Variants in KCTD1 observed in about 807,000 individuals in gnomAD.
KCTD1 encodes BTB/POZ domain-containing protein KCTD1.
A neutral mutation model predicts 66.0 loss-of-function variants in KCTD1; 24 were observed. The ratio of observed to expected loss-of-function variants is 0.36; its 90% CI spans 0.26 to 0.51. The LOEUF is 0.51. Ranked by LOEUF, KCTD1 falls within the 20% of genes least tolerant of loss-of-function variation. The pLI is 0.95. For missense variants in KCTD1, 943 were observed against 1,205.2 expected (o/e 0.78, Z 3.22); for synonymous variants, 511 against 517.2 (o/e 0.99, Z 0.16).
At chr18:26,612,749 A>T (rs1478891148) in intron 1 of KCTD1, among the ~76,000 whole-genome samples, 1 of 152,222 alleles carries the variant, frequency 6.6e-6, no homozygotes, top group Non-Finnish European at 1.5e-5. Flanking sequence ...TGGCAAACTT[A>T]ACACATCTTC....
intron 1 of KCTD1, among the ~76,000 whole-genome samples, chr18:26,626,581 C>G (rs971728051): frequency 4.0e-5 from 6 of 151,030 alleles, no homozygotes; most frequent in African/African-American, 1.5e-4. Flanking sequence ...CTCAATTAAT[C>G]CTCCTACCTC....
At chr18:26,550,600 ACAC>A (rs1414076826), upstream of KCTD1, among the ~76,000 whole-genome samples, 3 of 149,544 alleles carry the variant, frequency 2.0e-5, no homozygotes, top group Non-Finnish European at 4.4e-5. The surrounding 1 kb of genome is among the most constrained non-coding windows in gnomAD (Gnocchi z 5.4). Flanking sequence ...ACACACACAC[ACAC>A]ACCACGCTCT....
intron 3 of KCTD1, among the ~76,000 whole-genome samples, chr18:26,473,563 TTAATAATAATAATAA>T (rs10551915): frequency 2.0e-5 from 3 of 146,710 alleles, no homozygotes; most frequent in Non-Finnish European, 4.5e-5. Flanking sequence ...GAACTTAAAA[TTAATAATAATAATAA>T]TAATAATAAT....
chr18:26,478,285 A>G (rs1339370229), intron 2 of KCTD1, among the ~76,000 whole-genome samples: 3 of 152,238 alleles, frequency 2.0e-5, no homozygotes, highest in African/African-American at 4.8e-5. Flanking sequence ...AGATGAAGAA[A>G]TAGGCTCGAA....
intron 1 of KCTD1, among the ~76,000 whole-genome samples, chr18:26,522,692 A>T (rs946574241): frequency 6.6e-6 from 1 of 152,120 alleles, no homozygotes. Context: ...CTGAACAGCG[A>T]ATCTGCTTGG....
intron 3 of KCTD1, among the ~76,000 whole-genome samples, chr18:26,461,765 T>G (rs892654594): frequency 6.6e-6 from 1 of 152,232 alleles, no homozygotes; most frequent in Non-Finnish European, 1.5e-5. Flanking sequence ...TGCTTTTTAT[T>G]TTCTTGTGAG....
chr18:26,459,983 T>TA, intron 3 of KCTD1, 58 bp from the exon 4 acceptor site: 2 of 1,285,662 alleles, frequency 1.6e-6, no homozygotes, highest in Non-Finnish European at 2.1e-6. Context: ...ACTAAACATG[T>TA]CCACATCTAA....
chr18:26,625,166 T>C (rs565313788), intron 1 of KCTD1, among the ~76,000 whole-genome samples: 163 of 152,318 alleles, frequency 1.1e-3, no homozygotes, highest in African/African-American at 3.8e-3. Context: ...ACTTGCCTTG[T>C]CTCAGATGAG....
At chr18:26,600,032 T>C (rs1210726613) in intron 1 of KCTD1, 2 of 1,611,524 alleles carry the variant, frequency 1.2e-6, no homozygotes, top group Non-Finnish European at 1.7e-6. Flanking sequence ...GACGACAGCA[T>C]GGATCTCATT....
At chr18:26,614,598 T>G (rs9964994) in intron 1 of KCTD1, among the ~76,000 whole-genome samples, 13,719 of 152,158 alleles carry the variant, frequency 0.09, 628 homozygotes, top group African/African-American at 0.11. Context: ...GCTGGAAATC[T>G]GTGTGGGTTT....
At chr18:26,489,185 A>T (rs1284174548) in intron 2 of KCTD1, among the ~76,000 whole-genome samples, 1 of 152,248 alleles carries the variant, frequency 6.6e-6, no homozygotes, top group Non-Finnish European at 1.5e-5. Flanking sequence ...GTAATCTTTC[A>T]GAAGCCAAAT....
intron 1 of KCTD1, among the ~76,000 whole-genome samples, chr18:26,626,864 C>T (rs187973556): frequency 6.6e-6 from 1 of 152,300 alleles, no homozygotes; most frequent in Admixed American, 6.5e-5. Flanking sequence ...AGTGCAAAGG[C>T]TGTGCAATGG....
chr18:26,537,435 G>C lies in KCTD1; in HGVS notation c.1809+9293C>G, dbSNP rs191387311. Among the ~76,000 whole-genome samples the C allele has an allele frequency of 1.4e-3, 211 of 152,234 alleles. 1 individual carries two copies. The highest frequency in any genetic ancestry group is 4.8e-3 in the African/African-American group (198 of 41,552). On this transcript the variant is annotated intron_variant, in intron 1 of 4. Transcript: ENST00000580059. The stretch of plus-strand genomic sequence containing the variant: ...TATTTGGAGGGCAAACTAAATCAGA[G>C]GTAATAAATCCCTGCACTGTCACAC...
chr18:26,635,980 G>A (rs1425473539), intron 1 of KCTD1, among the ~76,000 whole-genome samples: 1 of 152,158 alleles, frequency 6.6e-6, no homozygotes, highest in Non-Finnish European at 1.5e-5. Flanking sequence ...ACACACCAGG[G>A]AACTGCAGGA....
In KCTD1 at chr18:26,585,070, C is replaced by A. The variant is rs140443193; in HGVS notation, c.-16+44077G>T. On this transcript the variant is annotated intron_variant, in intron 1 of 4. Transcript: ENST00000317932. ...GACGCCTCATGAGCATTCCAGGCCA[C>A]CCTTGCCCTGGTCTGATGCTGCCCC... Among the ~76,000 whole-genome samples the A allele has an allele frequency of 2.4e-3, 370 of 152,138 alleles. 1 individual carries two copies. Among genetic ancestry groups the A allele is most frequent in the African/African-American group, 8.6e-3 (355 of 41,472 alleles).
At chr18:26,577,008 T>A (rs1338056685) in intron 1 of KCTD1, among the ~76,000 whole-genome samples, 1 of 152,236 alleles carries the variant, frequency 6.6e-6, no homozygotes, top group Non-Finnish European at 1.5e-5. Context: ...TATAAATCGT[T>A]TCTTGATTTC....
At chr18:26,580,565 C>T (rs1986329141) in intron 1 of KCTD1, among the ~76,000 whole-genome samples, 1 of 152,144 alleles carries the variant, frequency 6.6e-6, no homozygotes, top group Admixed American at 6.5e-5. Context: ...TCACCTCTGT[C>T]AGCCTTGGCA....
chr18:26,631,316 A>G (rs570796923), upstream of KCTD1, among the ~76,000 whole-genome samples: 44 of 152,206 alleles, frequency 2.9e-4, no homozygotes, highest in Admixed American at 1.2e-3. Flanking sequence ...ATCACTAGGT[A>G]TATTTACACA....
chr18:26,470,384 G>A (rs1051004549), intron 3 of KCTD1, among the ~76,000 whole-genome samples: 3 of 152,344 alleles, frequency 2.0e-5, no homozygotes, highest in African/African-American at 7.2e-5. Context: ...ACAGAGTCTT[G>A]TGAGTTGAAA....
Sources: gnomAD v4.1 joint callset for allele counts (sites outside exome capture counted in the v4.1 genomes callset) on GRCh38, gnomAD v4.1.1 for gene constraint, Gnocchi (gnomAD v3.1) non-coding constraint, MANE v1.5 for transcripts, NCBI Gene and HGNC (gene_info 2026-07-23, HGNC 2026-07-21) for gene names.